Variants in LRRC37A observed in about 807,000 individuals in gnomAD.
LRRC37A encodes the protein leucine rich repeat containing 37A, also known as leucine-rich repeat-containing protein 37A.
A neutral mutation model predicts 35.4 loss-of-function variants in LRRC37A; 3 were observed. The observed-to-expected ratio is 0.08, with a 90% CI of 0.04 to 0.22. LRRC37A has a LOEUF of 0.22. LRRC37A is among the 10% of genes least tolerant of loss of function. The pLI, the probability that LRRC37A is intolerant of heterozygous loss-of-function variation, is 1.00. For synonymous variants in LRRC37A, 23 were observed against 215.0 expected, an observed-to-expected ratio of 0.11 and a Z score of 7.81; for missense variants, 67 against 565.3, an observed-to-expected ratio of 0.12 and a Z score of 8.94.
At chr17:46,267,622 C>G in the LRRC37A span, 292,668 of 1,451,656 alleles carry the variant, frequency 0.2, 30,052 homozygotes, top group Non-Finnish European at 0.24. Flanking sequence ...TTTTTTGGGA[C>G]GGATGGGGGA....
chr17:46,275,967 T>C, the LRRC37A span, among the ~76,000 whole-genome samples: 10 of 152,190 alleles, frequency 6.6e-5, no homozygotes, highest in Non-Finnish European at 1.3e-4. Flanking sequence ...CTTGGCTCAC[T>C]GCAACCTCTG....
chr17:46,280,125 C>A, the LRRC37A span, among the ~76,000 whole-genome samples: 17,578 of 148,272 alleles, frequency 0.12, 2 homozygotes, highest in Middle Eastern at 0.19. Context: ...GTAATCCCAG[C>A]ACTTTGGGAG....
At chr17:46,275,066 AT>A in the LRRC37A span, 21,838 of 169,334 alleles carry the variant, frequency 0.13, 1 homozygote, top group Middle Eastern at 0.22. Context: ...CTAATTTTGT[AT>A]TTTTGGTAGA....
chr17:46,269,309 G>A, the LRRC37A span, among the ~76,000 whole-genome samples: 2 of 152,190 alleles, frequency 1.3e-5, no homozygotes. Flanking sequence ...CGAGGCGGGT[G>A]GATCACCTGA....
the LRRC37A span, among the ~76,000 whole-genome samples, chr17:46,269,096 C>G: frequency 8.7e-6 from 1 of 115,182 alleles, no homozygotes; most frequent in South Asian, 2.4e-4. Flanking sequence ...ATATTCAAAC[C>G]TGATTTATAT....
the LRRC37A span, among the ~76,000 whole-genome samples, chr17:46,265,416 T>A: frequency 4.3e-4 from 65 of 151,344 alleles, no homozygotes; most frequent in Non-Finnish European, 8.0e-4. Flanking sequence ...CTCCTCCTCC[T>A]CTTCCTACTC....
At chr17:46,304,899 C>T (rs2050468524) in intron 3 of LRRC37A, among the ~76,000 whole-genome samples, 1 of 68,102 alleles carries the variant, frequency 1.5e-5, no homozygotes. Context: ...GACGGAATCT[C>T]GCTCTGTCGC....
At chr17:46,280,837 G>C in the LRRC37A span, among the ~76,000 whole-genome samples, 5 of 152,196 alleles carry the variant, frequency 3.3e-5, no homozygotes, top group Non-Finnish European at 7.3e-5. Context: ...GCCTTCCAAA[G>C]TGCTAGGATT....
the LRRC37A span, among the ~76,000 whole-genome samples, chr17:46,253,538 G>A: frequency 6.8e-4 from 103 of 152,354 alleles, 1 homozygote; most frequent in East Asian, 0.019. Context: ...CTCGCGGTTA[G>A]GAGCTGGAGA....
chr17:46,282,583 T>A, the LRRC37A span, among the ~76,000 whole-genome samples: 1 of 107,802 alleles, frequency 9.3e-6, no homozygotes, highest in Non-Finnish European at 2.5e-5. Context: ...CCTGGTTAAT[T>A]TTTTTTTTTT....
the LRRC37A span, among the ~76,000 whole-genome samples, chr17:46,285,755 C>T: frequency 7.9e-5 from 12 of 152,180 alleles, no homozygotes; most frequent in Admixed American, 4.6e-4. Context: ...AAGCCCTTCA[C>T]TAGACTAGCT....
At chr17:46,288,363 C>T (rs1371524723), upstream of LRRC37A, among the ~76,000 whole-genome samples, 1 of 140,870 alleles carries the variant, frequency 7.1e-6, no homozygotes, top group African/African-American at 2.7e-5. Flanking sequence ...GGCTGGAGTA[C>T]AGTGGCATGA....
chr17:46,271,332 ATTT>A, the LRRC37A span, among the ~76,000 whole-genome samples: 16,976 of 126,244 alleles, frequency 0.13, 18 homozygotes, highest in Middle Eastern at 0.19. Context: ...TACCTAGCTA[ATTT>A]TTTTTTTTTT....
chr17:46,254,257 A>G, the LRRC37A span, among the ~76,000 whole-genome samples: 2 of 151,490 alleles, frequency 1.3e-5, no homozygotes, highest in Non-Finnish European at 3.0e-5. Context: ...AATAATTCAC[A>G]TGAAGAATTT....
At chr17:46,289,731 C>G (rs1042599296), upstream of LRRC37A, among the ~76,000 whole-genome samples, 3 of 152,196 alleles carry the variant, frequency 2.0e-5, no homozygotes, top group African/African-American at 7.2e-5. Context: ...CTTCCTAAAT[C>G]TTATAGTCTC....
the LRRC37A span, among the ~76,000 whole-genome samples, chr17:46,265,287 TC>T: frequency 9.2e-6 from 1 of 108,522 alleles, no homozygotes. Context: ...TTCTTCTTCT[TC>T]TTCTTCTTCT....
At chr17:46,281,838 T>A in the LRRC37A span, among the ~76,000 whole-genome samples, 2 of 152,074 alleles carry the variant, frequency 1.3e-5, no homozygotes, top group Admixed American at 1.3e-4. Context: ...GAGATGGGGT[T>A]TTGCCATGTT....
chr17:46,291,399 G>T (rs1012503336), upstream of LRRC37A, among the ~76,000 whole-genome samples: 2 of 152,002 alleles, frequency 1.3e-5, no homozygotes, highest in African/African-American at 4.8e-5. Flanking sequence ...AGGCCTTCTA[G>T]ACTCCAGATG....
chr17:46,253,454 G>A, the LRRC37A span, among the ~76,000 whole-genome samples: 1 of 152,148 alleles, frequency 6.6e-6, no homozygotes, highest in Non-Finnish European at 1.5e-5. Flanking sequence ...TCCAGCCTGG[G>A]CACCACTGAG....
Sources: allele counts gnomAD v4.1 joint callset (sites outside exome capture counted in the v4.1 genomes callset), GRCh38; gene constraint gnomAD v4.1.1; transcripts MANE v1.5; gene names NCBI Gene and HGNC (gene_info 2026-07-23, HGNC 2026-07-21).